Variants in ATXN2 observed in about 807,000 individuals in gnomAD.
ATXN2 encodes ataxin-2.
In ATXN2, 37 loss-of-function variants were observed where a neutral mutation model predicts 138.6. The observed-to-expected ratio is 0.27, with a 90% CI of 0.21 to 0.35. The LOEUF (loss-of-function observed/expected upper bound fraction) is 0.35. Ranked by LOEUF, ATXN2 falls within the 10% of genes least tolerant of loss-of-function variation. ATXN2 has a pLI of 1.00. For synonymous variants in ATXN2, 549 were observed against 543.7 expected, an observed-to-expected ratio of 1.01 and a Z score of -0.13; for missense variants, 1,216 against 1,480.3, an observed-to-expected ratio of 0.82 and a Z score of 2.93.
intron 1 of ATXN2, among the ~76,000 whole-genome samples, chr12:111,592,549 G>A (rs1884722186): frequency 6.6e-6 from 1 of 151,866 alleles, no homozygotes; most frequent in African/African-American, 2.4e-5. Flanking sequence ...TTGGGAGGCT[G>A]AGGCAGGTGG....
intron 1 of ATXN2, among the ~76,000 whole-genome samples, chr12:111,574,945 G>A (rs995460638): frequency 1.3e-5 from 2 of 152,090 alleles, no homozygotes; most frequent in East Asian, 3.8e-4. Flanking sequence ...ACCTCTCTGG[G>A]CCTTCATTTC....
chr12:111,580,863 A>G (rs1883958486), intron 1 of ATXN2, among the ~76,000 whole-genome samples: 1 of 152,090 alleles, frequency 6.6e-6, no homozygotes, highest in Non-Finnish European at 1.5e-5. Context: ...AAGAAAGGCC[A>G]GGCATGGTGG....
rs1311407135 is a variant in ATXN2 at position 111,598,161 on chromosome 12, G to A, written c.251+623C>T. The A allele has an allele frequency of 1.8e-6, 2 of 1,100,832 alleles. No individual in the cohort carries two copies. The highest frequency in any genetic ancestry group is 1.4e-4 in the East Asian group (2 of 14,126). 68.2% of individuals were successfully genotyped at this position (1,100,832 alleles called of 1,614,324 possible). On this transcript the variant is annotated intron_variant, in intron 1 of 24. Coordinates refer to ENST00000673436, the MANE Select transcript of ATXN2 (RefSeq NM_001372574.1). This position sits in a 1 kb window ranked among gnomAD's most constrained non-coding sequence, Gnocchi z 4.5. ...TCGGACACGAACGCAGAGGGGTGCG[G>A]GGGCCAAGGCCCACTTGTCTCCACC...
At chr12:111,489,375 G>C (rs1322224185) in intron 14 of ATXN2, among the ~76,000 whole-genome samples, 2 of 152,198 alleles carry the variant, frequency 1.3e-5, no homozygotes, top group African/African-American at 4.8e-5. Flanking sequence ...AGCACTTTGG[G>C]AGGCCAAGGC....
intron 1 of ATXN2, among the ~76,000 whole-genome samples, chr12:111,561,435 G>A (rs2135798293): frequency 6.6e-6 from 1 of 152,284 alleles, no homozygotes; most frequent in East Asian, 1.9e-4. Flanking sequence ...AGGAGGTGGA[G>A]GCTGCAGTGA....
At chr12:111,512,510 A>C (rs1879598884) in intron 11 of ATXN2, 1 of 142,984 alleles carries the variant, frequency 7.0e-6, no homozygotes, top group South Asian at 2.2e-4. Flanking sequence ...GCTGGAGTGC[A>C]ATGGCGTGAT....
In ATXN2 at chr12:111,599,141, G is replaced by A; in HGVS notation, c.-107C>T. On this transcript the variant is annotated 5_prime_UTR_variant, in exon 1 of 25. Coordinates refer to ENST00000673436, the MANE Select transcript of ATXN2 (RefSeq NM_001372574.1). ...CGGGGACGCGCGGGCGCCGAGCGGG[G>A]AGGCGCGGGTTGGCGCGGCCGGAGG... 1 of 1,218,436 alleles carries A rather than the reference G, an allele frequency of 8.2e-7. No homozygotes were observed. The allele number at this position is 1,218,436 out of a possible 1,614,324, so 75.5% of individuals were successfully genotyped here. A position where few individuals can be genotyped will look rare whatever the true frequency, so the allele number is the denominator to read the frequency against.
At position 111,599,114 on chromosome 12, in the gene ATXN2, G is replaced by GGCGGGGAC. The variant is rs1885346982; in HGVS notation, c.-88_-81dup. The GGCGGGGAC allele has an allele frequency of 7.9e-7, 1 of 1,266,190 alleles. No individual in the cohort carries two copies. Among genetic ancestry groups the GGCGGGGAC allele is most frequent in the African/African-American group, 1.6e-5 (1 of 63,688 alleles). 78.4% of individuals were successfully genotyped at this position (1,266,190 alleles called of 1,614,324 possible). On this transcript the variant is annotated 5_prime_UTR_variant, in exon 1 of 25. Coordinates refer to ENST00000673436, the MANE Select transcript of ATXN2 (RefSeq NM_001372574.1). The stretch of plus-strand genomic sequence containing the variant: ...GCGCGCCAAGGAGACGCCGGAACGC[G>GGCGGGGAC]GCGGGGACGCGCGGGCGCCGAGCGG...
intron 1 of ATXN2, among the ~76,000 whole-genome samples, chr12:111,564,029 A>C (rs1252840215): frequency 6.6e-6 from 1 of 152,210 alleles, no homozygotes; most frequent in Non-Finnish European, 1.5e-5. Context: ...TCATAGCCCC[A>C]CATTAGACAA....
chr12:111,598,954 CTGCT>C lies in ATXN2; in HGVS notation c.77_80del (p.Gln26ArgfsTer19). The C allele has an allele frequency of 1.4e-6, 1 of 701,936 alleles. No homozygotes were observed. Among genetic ancestry groups the C allele is most frequent in the Non-Finnish European group, 2.1e-6 (1 of 476,816 alleles). The allele number at this position is 701,936 out of a possible 1,614,324, so 43.5% of individuals were successfully genotyped here. ...CATTGGCAGCCGCGGGCGGCGGCTGCTGCTGCTGCTGCTGCTGCTGCTGTTGCTG... is the reference window on the plus strand; with the variant it reads ...CATTGGCAGCCGCGGGCGGCGGCTGCGCTGCTGCTGCTGCTGCTGTTGCTG... On this transcript the variant is annotated frameshift_variant, in exon 1 of 25. Coordinates refer to ENST00000673436, the MANE Select transcript of ATXN2 (RefSeq NM_001372574.1). LOFTEE classifies it high-confidence loss of function. This position sits in a 1 kb window ranked among gnomAD's most constrained non-coding sequence, Gnocchi z 4.5.
chr12:111,464,786 G>A lies in ATXN2; in HGVS notation c.2843-71C>T, dbSNP rs567922566. ...ATTTTCCAAATTTTCTGGAAAGGTTGACATATTAGTAATTTCTTTTTGTAT... is the reference window on the plus strand; with the variant it reads ...ATTTTCCAAATTTTCTGGAAAGGTTAACATATTAGTAATTTCTTTTTGTAT... On this transcript the variant is annotated intron_variant, in intron 20 of 24. Coordinates refer to ENST00000673436, the MANE Select transcript of ATXN2 (RefSeq NM_001372574.1). 6 of 1,183,818 alleles carry A rather than the reference G, an allele frequency of 5.1e-6. No homozygotes were observed. The Admixed American group carries it at 9.2e-5, about 18-fold the overall frequency. The allele number at this position is 1,183,818 out of a possible 1,614,324, so 73.3% of individuals were successfully genotyped here.
At chr12:111,529,677 C>T (rs1475212144) in intron 5 of ATXN2, among the ~76,000 whole-genome samples, 1 of 152,072 alleles carries the variant, frequency 6.6e-6, no homozygotes, top group Non-Finnish European at 1.5e-5. Flanking sequence ...TCTGGGTATC[C>T]CCAGCCCCAT....
rs757873033 is a variant in ATXN2 at position 111,598,978 on chromosome 12, T to TGTTGC, written c.56_57insGCAAC (p.Gln21HisfsTer27). 3.9e-6 allele frequency: 5 copies of TGTTGC among 1,292,990 alleles called. No homozygotes were observed. In the East Asian group the frequency reaches 9.9e-5, roughly 26 times the overall value. The allele number at this position is 1,292,990 out of a possible 1,614,324, so 80.1% of individuals were successfully genotyped here. On this transcript the variant is annotated frameshift_variant, in exon 1 of 25. Coordinates refer to ENST00000673436, the MANE Select transcript of ATXN2 (RefSeq NM_001372574.1). LOFTEE classifies it high-confidence loss of function. This position sits in a 1 kb window ranked among gnomAD's most constrained non-coding sequence, Gnocchi z 4.5. Reference sequence around the variant, plus strand: ...GCTGCTGCTGCTGCTGCTGCTGCTGTTGCTGCTGCTGCTGCTGCTGCTGCT... The same window carrying TGTTGC: ...GCTGCTGCTGCTGCTGCTGCTGCTGTGTTGCTGCTGCTGCTGCTGCTGCTGCTGCT...
chr12:111,590,609 C>G (rs1228494719), intron 1 of ATXN2, among the ~76,000 whole-genome samples: 1 of 151,526 alleles, frequency 6.6e-6, no homozygotes, highest in South Asian at 2.1e-4. Flanking sequence ...CGCTTGAACC[C>G]GGGAGGCAGA....
chr12:111,477,878 C>T (rs1876931932), intron 18 of ATXN2, among the ~76,000 whole-genome samples: 6 of 152,132 alleles, frequency 3.9e-5, no homozygotes, highest in Admixed American at 3.9e-4. Context: ...CCCCCGCAAC[C>T]TCGCTCAAGC....
intron 6 of ATXN2, among the ~76,000 whole-genome samples, chr12:111,524,371 T>C (rs1355187260): frequency 1.3e-5 from 2 of 152,208 alleles, no homozygotes; most frequent in East Asian, 1.9e-4. Context: ...TACTCAAATA[T>C]TGGTACCATA....
In ATXN2 at chr12:111,484,903, T is replaced by C. The variant is rs370562994; in HGVS notation, c.2524+362A>G. On this transcript the variant is annotated intron_variant, in intron 18 of 24. Coordinates refer to ENST00000673436, the MANE Select transcript of ATXN2 (RefSeq NM_001372574.1). ...ATGCCACCATGCCCAGCTAATTTTT[T>C]TGAATTTTAGTAGAGACAAAGTCTC... Among the ~76,000 whole-genome samples, 18 of 152,216 alleles carry C rather than the reference T, an allele frequency of 1.2e-4. No homozygotes were observed. In the East Asian group the frequency reaches 3.3e-3, roughly 28 times the overall value.
rs375508505 is a variant in ATXN2 at position 111,473,306 on chromosome 12, A to T, written c.2525-2564T>A. Among the ~76,000 whole-genome samples the T allele has an allele frequency of 2.2e-3, 329 of 152,134 alleles. 3 individuals carry two copies. The South Asian group carries it at 0.024, about 11-fold the overall frequency. On this transcript the variant is annotated intron_variant, in intron 18 of 24. Transcript: ENST00000673436. The stretch of plus-strand genomic sequence containing the variant: ...TTAAAAAAAAAAAAAAAATTCCAGA[A>T]GTTTATACTGATAGTAAGAACCAAC...
At chr12:111,487,482 A>G (rs746603188) in intron 15 of ATXN2, among the ~76,000 whole-genome samples, 1 of 151,994 alleles carries the variant, frequency 6.6e-6, no homozygotes. Context: ...TATTTTTGAG[A>G]CAGAGTCTCG....
Sources: allele counts gnomAD v4.1 joint callset (sites outside exome capture counted in the v4.1 genomes callset), GRCh38; gene constraint gnomAD v4.1.1; non-coding constraint Gnocchi (gnomAD v3.1); transcripts MANE v1.5; gene names NCBI Gene and HGNC (gene_info 2026-07-23, HGNC 2026-07-21).